The following PCDH15 variants were observed in gnomAD, a reference collection of about 807,000 sequenced individuals.
The protein encoded by PCDH15 is protocadherin-15.
In PCDH15, 129 loss-of-function variants were observed where a neutral mutation model predicts 178.5. The observed-to-expected ratio is 0.72, with a 90% confidence interval of 0.63 to 0.84. The LOEUF is 0.84. PCDH15 is among the 40% of genes least tolerant of loss of function. PCDH15 has a pLI of 0.00. For missense variants in PCDH15, 2,230 were observed against 2,099.9 expected, an observed-to-expected ratio of 1.06 and a Z score of -1.21; for synonymous variants, 800 against 732.0, an observed-to-expected ratio of 1.09 and a Z score of -1.50.
intron 2 of PCDH15, among the ~76,000 whole-genome samples, chr10:55,538,958 T>C (rs1273645213): frequency 1.7e-4 from 1 of 5,914 alleles, no homozygotes; most frequent in Non-Finnish European, 4.1e-4. Context: ...TTCCTTCCTT[T>C]CCTTCCTTCC....
At chr10:55,275,452 T>C (rs16907187) in intron 1 of PCDH15, among the ~76,000 whole-genome samples, 4,056 of 152,090 alleles carry the variant, frequency 0.027, 78 homozygotes, top group Middle Eastern at 0.041. Context: ...GTCTTCTCGA[T>C]GTGCTATGGG....
intron 2 of PCDH15, among the ~76,000 whole-genome samples, chr10:55,148,755 T>C (rs943282151): frequency 6.6e-6 from 1 of 151,238 alleles, no homozygotes; most frequent in Non-Finnish European, 1.5e-5. Flanking sequence ...TTCACTCTTT[T>C]TCCCTTAAGC....
At chr10:55,253,100 T>G (rs1019602125) in intron 1 of PCDH15, among the ~76,000 whole-genome samples, 8 of 152,066 alleles carry the variant, frequency 5.3e-5, no homozygotes, top group Non-Finnish European at 2.9e-5. Context: ...TTATGAAGTT[T>G]CAATTATTTG....
At chr10:55,414,632 T>A (rs574957178) in intron 2 of PCDH15, among the ~76,000 whole-genome samples, 4 of 151,708 alleles carry the variant, frequency 2.6e-5, no homozygotes, top group Admixed American at 6.6e-5. Context: ...ATTTTATTCT[T>A]TTTGATGCTA....
chr10:54,407,620 G>A (rs1043367814), intron 3 of PCDH15, among the ~76,000 whole-genome samples: 1 of 152,016 alleles, frequency 6.6e-6, no homozygotes, highest in African/African-American at 2.4e-5. Context: ...ACATCTAAAG[G>A]TGATTTATTT....
intron 17 of PCDH15, among the ~76,000 whole-genome samples, chr10:54,074,562 A>G (rs1175706873): frequency 1.3e-5 from 2 of 152,202 alleles, no homozygotes; most frequent in Non-Finnish European, 2.9e-5. Context: ...CATTATATGT[A>G]TATACCACAT....
intron 2 of PCDH15, among the ~76,000 whole-genome samples, chr10:55,126,051 C>G (rs1837891251): frequency 6.6e-6 from 1 of 151,992 alleles, no homozygotes; most frequent in African/African-American, 2.4e-5. Context: ...TCACAGGTCC[C>G]CCTGGGATCT....
intron 2 of PCDH15, among the ~76,000 whole-genome samples, chr10:55,622,226 G>T (rs1204063497): frequency 7.0e-6 from 1 of 142,166 alleles, no homozygotes; most frequent in South Asian, 2.2e-4. Context: ...GCCCAGGCTG[G>T]TCTTAAACTC....
At chr10:53,924,038 G>C (rs1333249489) in intron 25 of PCDH15, among the ~76,000 whole-genome samples, 1 of 152,120 alleles carries the variant, frequency 6.6e-6, no homozygotes, top group Non-Finnish European at 1.5e-5. Flanking sequence ...CGCAGCCCTC[G>C]CTTGATCTCA....
intron 1 of PCDH15, among the ~76,000 whole-genome samples, chr10:55,309,839 C>T (rs573797281): frequency 3.4e-4 from 51 of 152,232 alleles, no homozygotes; most frequent in African/African-American, 1.2e-3. Flanking sequence ...TAATGTCTTC[C>T]CTTACTTGAG....
intron 3 of PCDH15, among the ~76,000 whole-genome samples, chr10:54,844,749 A>C (rs1953475878): frequency 6.6e-6 from 1 of 152,010 alleles, no homozygotes; most frequent in Non-Finnish European, 1.5e-5. Context: ...GTTAACTATT[A>C]AAATAATAAA....
chr10:54,936,235 T>G (rs1388158164), intron 2 of PCDH15, among the ~76,000 whole-genome samples: 2 of 152,094 alleles, frequency 1.3e-5, no homozygotes, highest in Admixed American at 6.6e-5. Flanking sequence ...ATTGCCATAT[T>G]AAATTTCATT....
chr10:53,808,450 G>A (rs2075739194), intron 37 of PCDH15: 4 of 1,277,084 alleles, frequency 3.1e-6, no homozygotes, highest in Admixed American at 7.4e-5. Context: ...TTGATTAGCT[G>A]ATTGCATGTG....
intron 26 of PCDH15, among the ~76,000 whole-genome samples, chr10:53,900,975 A>G (rs974507259): frequency 6.6e-6 from 1 of 152,132 alleles, no homozygotes; most frequent in Non-Finnish European, 1.5e-5. Flanking sequence ...AAAATCCACA[A>G]GGGCATTCTA....
chr10:54,201,524 TC>T (rs2050227152), intron 10 of PCDH15, among the ~76,000 whole-genome samples: 1 of 152,096 alleles, frequency 6.6e-6, no homozygotes, highest in African/African-American at 2.4e-5. Context: ...ATCTCATTTT[TC>T]ATTAGATTTT....
At chr10:55,044,753 C>T (rs1840955634) in intron 2 of PCDH15, among the ~76,000 whole-genome samples, 1 of 152,054 alleles carries the variant, frequency 6.6e-6, no homozygotes, top group African/African-American at 2.4e-5. Context: ...TATAAGTTCT[C>T]CAACATTTTA....
intron 3 of PCDH15, among the ~76,000 whole-genome samples, chr10:54,387,038 T>C (rs1950016721): frequency 1.3e-5 from 2 of 152,076 alleles, no homozygotes; most frequent in East Asian, 1.9e-4. Flanking sequence ...CATATGTTAG[T>C]TGGCTTGATT....
In PCDH15 at chr10:55,625,177, C is replaced by T. The variant is rs1446388987; in HGVS notation, c.-156+2448G>A. ...TAATAATGCTGAAGCATTTCTGTCA[C>T]CTCAGTATTAGTGCTTCCTGGTTTA... On this transcript the variant is annotated intron_variant, in intron 2 of 5. Transcript: ENST00000613346. Among the ~76,000 whole-genome samples the T allele has an allele frequency of 3.3e-5, 5 of 152,026 alleles. No homozygotes were observed. The East Asian group carries it at 9.7e-4, about 29-fold the overall frequency.
intron 2 of PCDH15, among the ~76,000 whole-genome samples, chr10:55,097,004 C>T (rs1466789022): frequency 6.6e-6 from 1 of 152,052 alleles, no homozygotes; most frequent in Non-Finnish European, 1.5e-5. Context: ...GCACACATCT[C>T]ATTACAGTTT....
Sources: gnomAD v4.1 joint callset for allele counts (sites outside exome capture counted in the v4.1 genomes callset) on GRCh38, gnomAD v4.1.1 for gene constraint, MANE v1.5 for transcripts, NCBI Gene and HGNC (gene_info 2026-07-23, HGNC 2026-07-21) for gene names.